Variants in ACOT13 observed in about 807,000 individuals in gnomAD.
ACOT13 encodes acyl-coenzyme A thioesterase 13.
ACOT13 carries 10 observed loss-of-function variants against 11.8 expected under a neutral mutation model. That is an observed-to-expected ratio of 0.85 (90% confidence interval 0.53 to 1.44). The LOEUF is 1.44. Among genes scored for constraint, ACOT13 ranks in the 40% most tolerant of loss-of-function variants. The probability of loss-of-function intolerance (pLI) is 0.00; values close to 1 mark genes in which losing one functional copy is unlikely to be tolerated. For missense variants in ACOT13, 172 were observed against 174.1 expected, an observed-to-expected ratio of 0.99 and a Z score of 0.07; for synonymous variants, 53 against 61.0, an observed-to-expected ratio of 0.87 and a Z score of 0.61.
rs1372397592 is a variant in ACOT13, at chr6:24,667,322, A to G, written c.59A>G (p.Asn20Ser). Residue 20 changes from asparagine (N) to serine (S), a missense_variant, in exon 1 of 3, where the codon AAT (asparagine) becomes AGT (serine). Coordinates refer to ENST00000230048, the MANE Select transcript of ACOT13 (RefSeq NM_018473.4). ...EVIKAMTKARNFERVLGKITL... is the reference protein window; with the variant it reads ...EVIKAMTKARSFERVLGKITL... ...ATAAAGGCCATGACCAAGGCTCGCA[A>G]TTTTGAGAGAGTTTTGGGAAAGGTA... The G allele has an allele frequency of 1.9e-6, 3 of 1,614,188 alleles. No individual in the cohort carries two copies. The highest frequency in any genetic ancestry group is 2.5e-6 in the Non-Finnish European group (3 of 1,180,018).
At chr6:24,693,330 G>T (rs1778745343) in intron 1 of ACOT13, among the ~76,000 whole-genome samples, 1 of 152,194 alleles carries the variant, frequency 6.6e-6, no homozygotes, top group African/African-American at 2.4e-5. Flanking sequence ...GCCCATTACA[G>T]ACACCCTTAC....
At position 24,700,379 on chromosome 6, in the gene ACOT13, T is replaced by C. The variant is rs144107761; in HGVS notation, c.267-1080T>C. ...TATTTTTCATTTCTTTACATTGAGG[T>C]ATGTGAATTAAAGACAAGCCTGTTC... is the stretch of plus-strand genomic sequence containing the variant. On this transcript the variant is annotated intron_variant, in intron 2 of 2. Transcript: ENST00000230048. Among the ~76,000 whole-genome samples, 610 of 151,732 alleles carry C rather than the reference T, an allele frequency of 4.0e-3. 5 individuals carry two copies. The highest frequency in any genetic ancestry group is 0.01 in the Middle Eastern group (3 of 288).
chr6:24,680,236 G>A (rs982210183), intron 1 of ACOT13, among the ~76,000 whole-genome samples: 1 of 152,122 alleles, frequency 6.6e-6, no homozygotes, highest in South Asian at 2.1e-4. Context: ...GCTGTAAGAT[G>A]GTGTTATAAT....
At chr6:24,669,462 T>C (rs1444890881) in intron 1 of ACOT13, among the ~76,000 whole-genome samples, 1 of 152,214 alleles carries the variant, frequency 6.6e-6, no homozygotes, top group South Asian at 2.1e-4. Flanking sequence ...GGAGGCAAGT[T>C]TGTCTTAAGT....
chr6:24,674,506 T>C (rs933148693), intron 1 of ACOT13, among the ~76,000 whole-genome samples: 11 of 152,174 alleles, frequency 7.2e-5, no homozygotes, highest in Non-Finnish European at 1.6e-4. Context: ...CTTCCTGTGT[T>C]CAAGTTATTC....
At chr6:24,686,650 TTCTC>T (rs1406264065) in intron 1 of ACOT13, among the ~76,000 whole-genome samples, 3 of 151,630 alleles carry the variant, frequency 2.0e-5, no homozygotes, top group South Asian at 2.1e-4. Context: ...TCTCTCTTTC[TTCTC>T]TCTCTTTCTC....
At chr6:24,677,753 AC>A (rs1335898196) in intron 1 of ACOT13, among the ~76,000 whole-genome samples, 1 of 152,170 alleles carries the variant, frequency 6.6e-6, no homozygotes, top group African/African-American at 2.4e-5. Context: ...TAATGGCCTG[AC>A]TATTTCGCTG....
intron 1 of ACOT13, among the ~76,000 whole-genome samples, chr6:24,684,446 C>T (rs1166745665): frequency 1.3e-5 from 2 of 152,148 alleles, no homozygotes; most frequent in African/African-American, 2.4e-5. Flanking sequence ...GGTTAAAATC[C>T]TCATACCTTG....
chr6:24,697,865 T>G lies in ACOT13; in HGVS notation c.82-18T>G. 1.9e-6 allele frequency: 3 copies of G among 1,575,140 alleles called. No individual in the cohort carries two copies. The South Asian group carries it at 3.5e-5, about 19-fold the overall frequency. On this transcript the variant is annotated intron_variant, in intron 1 of 2. Transcript: ENST00000230048. ...ATTCTACAGAATTAATGTTCAGGAT[T>G]CTTTTTTTTACACTTAGATTACTCT...
intron 1 of ACOT13, among the ~76,000 whole-genome samples, chr6:24,688,794 G>C (rs573289417): frequency 6.6e-6 from 1 of 152,222 alleles, no homozygotes; most frequent in African/African-American, 2.4e-5. Flanking sequence ...TTGTTCATCT[G>C]AACTCATCTT....
intron 1 of ACOT13, among the ~76,000 whole-genome samples, chr6:24,681,320 G>T (rs1778544962): frequency 6.6e-6 from 1 of 152,190 alleles, no homozygotes; most frequent in African/African-American, 2.4e-5. Flanking sequence ...GGGTTACTGG[G>T]TTAAGGATTT....
chr6:24,685,593 G>A (rs182320940), intron 1 of ACOT13, among the ~76,000 whole-genome samples: 2 of 152,144 alleles, frequency 1.3e-5, no homozygotes, highest in Admixed American at 6.5e-5. Flanking sequence ...TGATCCACAC[G>A]CCTCAGCCTC....
intron 1 of ACOT13, among the ~76,000 whole-genome samples, chr6:24,688,186 A>T (rs1165580144): frequency 2.0e-5 from 3 of 150,710 alleles, no homozygotes; most frequent in Non-Finnish European, 4.4e-5. Context: ...AAAATAAGGC[A>T]TTTTTTTTTC....
chr6:24,684,394 T>G lies in ACOT13; in HGVS notation c.82-13489T>G, dbSNP rs112494655. Among the ~76,000 whole-genome samples, 861 of 152,346 alleles carry G rather than the reference T, an allele frequency of 5.7e-3. 14 individuals are homozygous for G. The highest frequency in any genetic ancestry group is 4.6e-3 in the Non-Finnish European group (316 of 68,034). On this transcript the variant is annotated intron_variant, in intron 1 of 2. Coordinates refer to ENST00000230048, the MANE Select transcript of ACOT13 (RefSeq NM_018473.4). Reference sequence around the variant, plus strand: ...AACAACTTCATGAGTGTGTATCTTCTTGTGATAATCTTGCCATGGGTTGGA... The same window carrying G: ...AACAACTTCATGAGTGTGTATCTTCGTGTGATAATCTTGCCATGGGTTGGA...
chr6:24,683,816 G>A (rs1261617379), intron 1 of ACOT13, among the ~76,000 whole-genome samples: 1 of 82,608 alleles, frequency 1.2e-5, no homozygotes. Context: ...AGTGAGCAGA[G>A]GGATGACTTT....
At position 24,703,020 on chromosome 6, in the gene ACOT13, GGA is replaced by G. The variant is rs1778920033; in HGVS notation, c.*1406_*1407del. The G allele has an allele frequency of 6.6e-6, 1 of 152,246 alleles. No individual in the cohort carries two copies. Among genetic ancestry groups the G allele is most frequent in the South Asian group, 2.1e-4 (1 of 4,832 alleles). 9.4% of individuals were successfully genotyped at this position (152,246 alleles called of 1,614,324 possible). A position where few individuals can be genotyped will look rare whatever the true frequency, so the allele number is the denominator to read the frequency against. On this transcript the variant is annotated 3_prime_UTR_variant, in exon 3 of 3. Transcript: ENST00000230048. ...TTCCACCTCAGTCTCCTGAGTAGCT[GGA>G]ACTACAGGCGTGTGCCACCACGCCT...
intron 1 of ACOT13, among the ~76,000 whole-genome samples, chr6:24,669,583 G>A (rs1778325423): frequency 6.6e-6 from 1 of 152,008 alleles, no homozygotes; most frequent in Admixed American, 6.5e-5. Context: ...TTTGGAGAAA[G>A]CATTTTAGAA....
chr6:24,668,849 T>C (rs1778309777), intron 1 of ACOT13, among the ~76,000 whole-genome samples: 1 of 152,200 alleles, frequency 6.6e-6, no homozygotes, highest in Non-Finnish European at 1.5e-5. Context: ...TAATTTTGCT[T>C]TTTGCAACCA....
intron 1 of ACOT13, among the ~76,000 whole-genome samples, chr6:24,680,539 T>C (rs1778530276): frequency 6.6e-6 from 1 of 152,142 alleles, no homozygotes; most frequent in Non-Finnish European, 1.5e-5. Context: ...TAACCACCCA[T>C]GGACCTCTGC....
Sources: allele counts gnomAD v4.1 joint callset (sites outside exome capture counted in the v4.1 genomes callset), GRCh38; gene constraint gnomAD v4.1.1; transcripts MANE v1.5; gene names NCBI Gene and HGNC (gene_info 2026-07-23, HGNC 2026-07-21).